The following TMEM232 variants were observed in gnomAD, a reference collection of about 807,000 sequenced individuals.
TMEM232 encodes the protein transmembrane protein 232.
A neutral mutation model predicts 78.8 loss-of-function variants in TMEM232; 80 were observed. The ratio of observed to expected loss-of-function variants is 1.01; its 90% CI spans 0.85 to 1.22. The LOEUF (loss-of-function observed/expected upper bound fraction) is 1.22. Ranked by LOEUF, TMEM232 falls within the 50% of genes most tolerant of loss-of-function variation. The probability of loss-of-function intolerance (pLI) is 0.00; values close to 1 mark genes in which losing one functional copy is unlikely to be tolerated. For missense variants in TMEM232, 881 were observed against 742.2 expected (o/e 1.19, Z -2.17); for synonymous variants, 297 against 254.3 (o/e 1.17, Z -1.60).
chr5:110,598,069 T>A (rs1385441792), intron 10 of TMEM232, among the ~76,000 whole-genome samples: 1 of 151,994 alleles, frequency 6.6e-6, no homozygotes, highest in African/African-American at 2.4e-5. Context: ...CATCAGAGCA[T>A]ACAGGCAACC....
At chr5:110,521,469 T>A (rs1019911880) in intron 12 of TMEM232, among the ~76,000 whole-genome samples, 1 of 152,226 alleles carries the variant, frequency 6.6e-6, no homozygotes, top group Admixed American at 6.5e-5. Flanking sequence ...TTCAGTTTGA[T>A]GTAGTCTAAT....
At chr5:110,543,409 GA>G (rs2149586763) in intron 11 of TMEM232, among the ~76,000 whole-genome samples, 1 of 152,178 alleles carries the variant, frequency 6.6e-6, no homozygotes, top group East Asian at 1.9e-4. Flanking sequence ...CCTTATTTAC[GA>G]AAGGCTTTGT....
At chr5:110,389,338 T>G (rs1755096695) in intron 4 of TMEM232, among the ~76,000 whole-genome samples, 1 of 151,970 alleles carries the variant, frequency 6.6e-6, no homozygotes, top group South Asian at 2.1e-4. Context: ...TTGGAAACAT[T>G]AAACAAAATT....
chr5:110,446,834 A>G (rs1759700562), intron 12 of TMEM232, among the ~76,000 whole-genome samples: 1 of 152,054 alleles, frequency 6.6e-6, no homozygotes, highest in South Asian at 2.1e-4. Flanking sequence ...GCATCCCTAT[A>G]ATAGCACTCT....
At chr5:110,676,495 TC>T (rs1176525146) in intron 1 of TMEM232, among the ~76,000 whole-genome samples, 1 of 151,736 alleles carries the variant, frequency 6.6e-6, no homozygotes, top group Middle Eastern at 3.2e-3. Flanking sequence ...AACTTCCGCC[TC>T]CTGGGCTTAA....
At chr5:110,475,969 A>G (rs1335494919) in intron 12 of TMEM232, among the ~76,000 whole-genome samples, 2 of 152,038 alleles carry the variant, frequency 1.3e-5, no homozygotes, top group Non-Finnish European at 2.9e-5. Context: ...TAAAATTGAC[A>G]GAACACTTTC....
intron 1 of TMEM232, among the ~76,000 whole-genome samples, chr5:110,700,881 C>T (rs911602440): frequency 6.6e-5 from 10 of 151,754 alleles, no homozygotes; most frequent in African/African-American, 2.4e-4. Flanking sequence ...CTTTTCTATC[C>T]TCAACCCCAC....
intron 1 of TMEM232, among the ~76,000 whole-genome samples, chr5:110,721,681 A>ATATATATATATATATATC (rs1173373099): frequency 7.8e-6 from 1 of 127,968 alleles, no homozygotes; most frequent in African/African-American, 2.8e-5. Flanking sequence ...GTGTATATAT[A>ATATATATATATATATATC]TATCTGTGTG....
chr5:110,586,548 A>T (rs939493511), intron 10 of TMEM232, among the ~76,000 whole-genome samples: 1 of 149,578 alleles, frequency 6.7e-6, no homozygotes, highest in African/African-American at 2.5e-5. Context: ...CATAGAAGGC[A>T]TATTTCCATA....
intron 11 of TMEM232, among the ~76,000 whole-genome samples, chr5:110,541,577 A>G (rs546863930): frequency 3.3e-4 from 50 of 152,214 alleles, no homozygotes; most frequent in African/African-American, 1.2e-3. Flanking sequence ...ATCAAATACT[A>G]TTTACATTCA....
At chr5:110,500,493 A>G (rs1322015177) in intron 12 of TMEM232, among the ~76,000 whole-genome samples, 1 of 152,082 alleles carries the variant, frequency 6.6e-6, no homozygotes, top group Non-Finnish European at 1.5e-5. Flanking sequence ...AAAATTAAAT[A>G]TTTTACTGAG....
chr5:110,649,649 G>C (rs1449271495), intron 2 of TMEM232, among the ~76,000 whole-genome samples: 1 of 152,078 alleles, frequency 6.6e-6, no homozygotes, highest in Admixed American at 6.6e-5. Flanking sequence ...ATTGATGCAG[G>C]TATTTCCTTA....
intron 9 of TMEM232, 57 bp from the exon 10 acceptor site, chr5:110,605,415 TAC>T: frequency 6.8e-7 from 1 of 1,468,374 alleles, no homozygotes; most frequent in East Asian, 2.5e-5. Context: ...TATCAATAAC[TAC>T]ACAGTGTACT....
intron 12 of TMEM232, among the ~76,000 whole-genome samples, chr5:110,436,053 G>T (rs906912714): frequency 1.4e-4 from 22 of 151,884 alleles, no homozygotes; most frequent in Non-Finnish European, 2.2e-4. Flanking sequence ...CATAGTGGTT[G>T]TATTAATTTA....
At chr5:110,686,628 A>G (rs983917378) in intron 1 of TMEM232, among the ~76,000 whole-genome samples, 1 of 152,162 alleles carries the variant, frequency 6.6e-6, no homozygotes, top group African/African-American at 2.4e-5. Flanking sequence ...ATTGAGTTGT[A>G]TGAACACTTG....
chr5:110,477,834 G>T (rs1156593787), intron 12 of TMEM232, among the ~76,000 whole-genome samples: 3 of 151,694 alleles, frequency 2.0e-5, no homozygotes, highest in Admixed American at 2.0e-4. Flanking sequence ...TACTATCATG[G>T]GATTAATGTC....
intron 2 of TMEM232, among the ~76,000 whole-genome samples, chr5:110,646,213 C>A (rs890983265): frequency 6.6e-6 from 1 of 151,666 alleles, no homozygotes. Context: ...CAATAGCATT[C>A]TTTACAGAAA....
chr5:110,731,373 A>C (rs1028150394), upstream of TMEM232, among the ~76,000 whole-genome samples: 3 of 152,242 alleles, frequency 2.0e-5, no homozygotes, highest in African/African-American at 7.2e-5. Flanking sequence ...TCAGTACCCC[A>C]GTAGGGACTC....
At chr5:110,699,104 G>A (rs904724278) in intron 1 of TMEM232, among the ~76,000 whole-genome samples, 3 of 151,952 alleles carry the variant, frequency 2.0e-5, no homozygotes, top group African/African-American at 7.2e-5. Context: ...AAAAAAAGCA[G>A]GTAAAATACT....
Sources: gnomAD v4.1 joint callset for allele counts (sites outside exome capture counted in the v4.1 genomes callset) on GRCh38, gnomAD v4.1.1 for gene constraint, MANE v1.5 for transcripts, NCBI Gene and HGNC (gene_info 2026-07-23, HGNC 2026-07-21) for gene names.